KCNMB2: variants seen among roughly 807,000 people sequenced by gnomAD.
The protein encoded by KCNMB2 is potassium calcium-activated channel subfamily M regulatory beta subunit 2.
Under a neutral mutation model 24.5 loss-of-function variants are expected in KCNMB2, and 9 were observed. That is an observed-to-expected ratio of 0.37 (90% CI 0.22 to 0.64). The LOEUF (loss-of-function observed/expected upper bound fraction) is 0.64, where lower values mean the gene tolerates loss of function less well. Ranked by LOEUF, KCNMB2 falls within the 30% of genes least tolerant of loss-of-function variation. KCNMB2 has a pLI of 0.63. For missense variants in KCNMB2, 226 were observed against 284.3 expected (o/e 0.79, Z 1.47); for synonymous variants, 109 against 104.4 (o/e 1.04, Z -0.27).
intron 1 of KCNMB2, among the ~76,000 whole-genome samples, chr3:178,730,712 C>T (rs1396864916): frequency 6.6e-6 from 1 of 152,128 alleles, no homozygotes; most frequent in Non-Finnish European, 1.5e-5. Flanking sequence ...GTTCTAGCCA[C>T]AATGGCCTTC....
intron 1 of KCNMB2, among the ~76,000 whole-genome samples, chr3:178,634,534 T>C (rs1719443218): frequency 6.6e-6 from 1 of 152,094 alleles, no homozygotes; most frequent in South Asian, 2.1e-4. Context: ...CTCACTATCA[T>C]GAGAACAGCA....
intron 1 of KCNMB2, among the ~76,000 whole-genome samples, chr3:178,731,890 C>T (rs956734842): frequency 1.3e-5 from 2 of 152,092 alleles, no homozygotes; most frequent in African/African-American, 2.4e-5. Context: ...GCAACAAGAG[C>T]GAAACTCCGT....
chr3:178,754,756 T>C (rs958491238), intron 1 of KCNMB2, among the ~76,000 whole-genome samples: 9 of 152,234 alleles, frequency 5.9e-5, no homozygotes, highest in Admixed American at 2.0e-4. Context: ...GTCACACTAC[T>C]GTAGCAACAT....
chr3:178,596,079 C>T (rs1440210393), intron 1 of KCNMB2, among the ~76,000 whole-genome samples: 1 of 152,064 alleles, frequency 6.6e-6, no homozygotes, highest in East Asian at 1.9e-4. Flanking sequence ...ACCCACTTAG[C>T]TCTTGCCACC....
chr3:178,825,511 G>A, intron 2 of KCNMB2, 77 bp from the exon 3 acceptor site: 1 of 1,299,778 alleles, frequency 7.7e-7, no homozygotes, highest in Non-Finnish European at 1.1e-6. Context: ...GGAAGGCATG[G>A]GCAGAAACTG....
intron 1 of KCNMB2, among the ~76,000 whole-genome samples, chr3:178,548,534 C>T (rs1577002785): frequency 1.3e-5 from 2 of 152,174 alleles, no homozygotes; most frequent in South Asian, 4.1e-4. Context: ...TCAAGCATGC[C>T]TATCATGTCT....
chr3:178,562,962 T>C (rs1188915763), intron 1 of KCNMB2, among the ~76,000 whole-genome samples: 1 of 152,104 alleles, frequency 6.6e-6, no homozygotes, highest in Non-Finnish European at 1.5e-5. Flanking sequence ...ACAAAACAAA[T>C]AAAATAGATA....
chr3:178,758,042 CTAGATAT>C (rs1724232619), intron 1 of KCNMB2, among the ~76,000 whole-genome samples: 1 of 2,658 alleles, frequency 3.8e-4, no homozygotes, highest in Non-Finnish European at 8.6e-4. Context: ...ATATATATAT[CTAGATAT>C]ATATATATAT....
chr3:178,768,533 G>A (rs1560013664), intron 1 of KCNMB2, among the ~76,000 whole-genome samples: 1 of 151,994 alleles, frequency 6.6e-6, no homozygotes, highest in African/African-American at 2.4e-5. Context: ...GTATATTTTT[G>A]TTTTCTATAA....
At chr3:178,591,319 C>T (rs1717664816) in intron 1 of KCNMB2, among the ~76,000 whole-genome samples, 1 of 152,196 alleles carries the variant, frequency 6.6e-6, no homozygotes, top group African/African-American at 2.4e-5. Flanking sequence ...CATTCCTTGT[C>T]TTTCTTTGCA....
chr3:178,718,693 G>A (rs1722699092), intron 1 of KCNMB2, among the ~76,000 whole-genome samples: 1 of 152,178 alleles, frequency 6.6e-6, no homozygotes, highest in African/African-American at 2.4e-5. Context: ...TAGAGCTGGG[G>A]TTTAGACAAA....
intron 1 of KCNMB2, among the ~76,000 whole-genome samples, chr3:178,577,390 G>A (rs2108485169): frequency 6.6e-6 from 1 of 152,264 alleles, no homozygotes; most frequent in Admixed American, 6.5e-5. Flanking sequence ...ACCAAAGGTA[G>A]ATAAATCCAT....
chr3:178,580,264 A>G (rs1036819334), intron 1 of KCNMB2, among the ~76,000 whole-genome samples: 6 of 152,234 alleles, frequency 3.9e-5, no homozygotes, highest in African/African-American at 1.4e-4. Flanking sequence ...AGAACCAATG[A>G]CAGAAACCAC....
chr3:178,839,248 A>G (rs781725374), intron 4 of KCNMB2, among the ~76,000 whole-genome samples: 18 of 152,108 alleles, frequency 1.2e-4, no homozygotes, highest in Non-Finnish European at 2.2e-4. Context: ...ACCAAGGAAA[A>G]TAAGTCACAG....
intron 1 of KCNMB2, among the ~76,000 whole-genome samples, chr3:178,610,475 G>A (rs1718442677): frequency 6.6e-6 from 1 of 151,836 alleles, no homozygotes; most frequent in Admixed American, 6.6e-5. Flanking sequence ...CACTTCTTTG[G>A]TTATGTTAAT....
intron 1 of KCNMB2, chr3:178,748,485 T>A (rs1374381459): frequency 6.6e-6 from 1 of 152,162 alleles, no homozygotes; most frequent in East Asian, 1.9e-4. Context: ...CCCAGAATAA[T>A]CTGTAAAAAT....
chr3:178,778,775 C>T (rs1553777090), intron 1 of KCNMB2, among the ~76,000 whole-genome samples: 1 of 152,190 alleles, frequency 6.6e-6, no homozygotes, highest in Non-Finnish European at 1.5e-5. Flanking sequence ...CTCCTGGCAC[C>T]TGGCCACTGG....
chr3:178,766,631 A>C (rs1228892240), intron 1 of KCNMB2, among the ~76,000 whole-genome samples: 1 of 152,166 alleles, frequency 6.6e-6, no homozygotes, highest in African/African-American at 2.4e-5. Flanking sequence ...TGCCTTCCCA[A>C]CTAGATTTTA....
intron 1 of KCNMB2, among the ~76,000 whole-genome samples, chr3:178,676,829 C>T (rs904009545): frequency 1.3e-5 from 2 of 152,124 alleles, no homozygotes; most frequent in African/African-American, 4.8e-5. Flanking sequence ...AGAGACAAAC[C>T]CTTCCATTTG....
Sources: allele counts gnomAD v4.1 joint callset (sites outside exome capture counted in the v4.1 genomes callset), GRCh38; gene constraint gnomAD v4.1.1; transcripts MANE v1.5; gene names NCBI Gene and HGNC (gene_info 2026-07-23, HGNC 2026-07-21).